The following SYNE1 variants were observed in gnomAD, a reference collection of about 807,000 sequenced individuals.
SYNE1 encodes spectrin repeat containing nuclear envelope protein 1.
SYNE1 carries 616 observed loss-of-function variants against 1,111.0 expected under a neutral mutation model. That is an observed-to-expected ratio of 0.55 (90% CI 0.52 to 0.59). The LOEUF (loss-of-function observed/expected upper bound fraction) is 0.59. Ranked by LOEUF, SYNE1 falls within the 20% of genes least tolerant of loss-of-function variation. SYNE1 has a pLI of 0.00. For synonymous variants in SYNE1, 3,855 were observed against 3,825.8 expected (o/e 1.01, Z -0.28); for missense variants, 10,006 against 10,417.0 (o/e 0.96, Z 1.72).
chr6:152,512,693 C>A lies in SYNE1; in HGVS notation c.310-1590G>T, dbSNP rs559101970. Among the ~76,000 whole-genome samples, 3 of 152,276 alleles carry A rather than the reference C, an allele frequency of 2.0e-5. No homozygotes were observed. In the South Asian group the frequency reaches 6.2e-4, roughly 32 times the overall value. ...CAATTTATTACAGAAGCTAAAGGAT[C>A]TTTTGCCTAACTTGTGAAGAAAAAT... On this transcript the variant is annotated intron_variant, in intron 6 of 145. Coordinates refer to ENST00000367255, the MANE Select transcript of SYNE1 (RefSeq NM_182961.4).
chr6:152,492,756 G>C (rs1266174562), intron 11 of SYNE1, among the ~76,000 whole-genome samples: 1 of 152,184 alleles, frequency 6.6e-6, no homozygotes, highest in East Asian at 1.9e-4. Context: ...TTAGAGTGGA[G>C]TGTAAGTCCA....
At chr6:152,175,431 A>C (rs1318050356) in intron 130 of SYNE1, among the ~76,000 whole-genome samples, 1 of 152,224 alleles carries the variant, frequency 6.6e-6, no homozygotes. Context: ...TTTATGCAGC[A>C]CGGCTAAGGA....
chr6:152,425,634 T>C (rs1327608355), intron 38 of SYNE1, 87 bp from the exon 39 acceptor site: 58 of 1,511,756 alleles, frequency 3.8e-5, no homozygotes, highest in Non-Finnish European at 5.2e-5. Context: ...GTCCAAAGGA[T>C]TCGCATTCTT....
intron 144 of SYNE1, among the ~76,000 whole-genome samples, chr6:152,131,441 G>T (rs2055615296): frequency 6.6e-6 from 1 of 151,568 alleles, no homozygotes; most frequent in Non-Finnish European, 1.5e-5. Context: ...AAGGAAAAAT[G>T]GAATGAATAT....
chr6:152,453,919 T>G (rs1226907414), intron 24 of SYNE1, among the ~76,000 whole-genome samples, 199 bp from the exon 25 acceptor site: 1 of 152,230 alleles, frequency 6.6e-6, no homozygotes, highest in Non-Finnish European at 1.5e-5. Context: ...TATCTGAAAT[T>G]CTACTAGTAT....
Position 152,399,832 on chromosome 6 carries a change from T to C in SYNE1, c.7030-9A>G. 2.5e-6 allele frequency: 4 copies of C among 1,612,558 alleles called. No individual in the cohort carries two copies. The highest frequency in any genetic ancestry group is 3.4e-6 in the Non-Finnish European group (4 of 1,178,582). ...AGTTCTTTTTGTATATCCTACAGAATAAAAGTATATTATGAAGGATATTCA... is the reference window on the plus strand; with the variant it reads ...AGTTCTTTTTGTATATCCTACAGAACAAAAGTATATTATGAAGGATATTCA... On this transcript the variant is annotated splice_polypyrimidine_tract_variant and intron_variant, in intron 47 of 145. Transcript: ENST00000367255.
At position 152,369,527 on chromosome 6, in the gene SYNE1, T is replaced by G; in HGVS notation, c.9595A>C (p.Ser3199Arg). Reference sequence around the variant, plus strand: ...GGCAGATCATAGAGGCGATTGCTGCTTTCATGGACCATCTTCTCAGTTTTA... The same window carrying G: ...GGCAGATCATAGAGGCGATTGCTGCGTTCATGGACCATCTTCTCAGTTTTA... ...LSKTEKMVHESSNRLYDLPAK... is the reference protein window; with the variant it reads ...LSKTEKMVHERSNRLYDLPAK... Residue 3199 changes from serine to arginine, a missense_variant, in exon 60 of 146, where the codon AGC (serine) becomes CGC (arginine). Physicochemically the swap from Ser to Arg is moderately radical, Grantham distance 110. Around this residue, in one of 7 missense-constraint regions of SYNE1, gnomAD observed 4,955 missense variants for 5,017.2 expected, o/e 0.99. Coordinates refer to ENST00000367255, the MANE Select transcript of SYNE1 (RefSeq NM_182961.4). The G allele has an allele frequency of 6.2e-7, 1 of 1,614,220 alleles. No homozygotes were observed. Among genetic ancestry groups the G allele is most frequent in the African/African-American group, 1.3e-5 (1 of 75,066 alleles).
At chr6:152,444,056 T>C (rs913815553) in intron 30 of SYNE1, among the ~76,000 whole-genome samples, 7 of 152,194 alleles carry the variant, frequency 4.6e-5, no homozygotes, top group Admixed American at 3.9e-4. Flanking sequence ...TGATCTCAAA[T>C]AGGAAGCAAT....
intron 6 of SYNE1, among the ~76,000 whole-genome samples, chr6:152,512,084 C>T (rs1564558229): frequency 6.8e-6 from 1 of 146,044 alleles, no homozygotes; most frequent in African/African-American, 2.6e-5. Context: ...GATGTTTGTA[C>T]ATTTTTTTTA....
chr6:152,474,176 C>T (rs895353763), intron 14 of SYNE1, among the ~76,000 whole-genome samples: 3 of 127,582 alleles, frequency 2.4e-5, no homozygotes, highest in African/African-American at 1.0e-4. Flanking sequence ...CAGGGTAAGA[C>T]TCTGTCTCAA....
chr6:152,155,971 T>C lies in SYNE1; in HGVS notation c.23917A>G (p.Thr7973Ala). 1 of 1,614,214 alleles carries C rather than the reference T, an allele frequency of 6.2e-7. No homozygotes were observed. The highest frequency in any genetic ancestry group is 8.5e-7 in the Non-Finnish European group (1 of 1,180,042). Residue 7973 changes from threonine (T) to alanine (A), a missense_variant, in exon 132 of 146, where the codon ACG (threonine) becomes GCG (alanine). Transcript: ENST00000367255. ...CTCCACCGCCGGTCCAGGTTTCTCG[T>C]AGCCTGCTGTATAGAGTCACACTCG... ...DAECDSIQQA[T>A]RNLDRRWRNI...
chr6:152,365,225 G>A (rs1323230725), intron 62 of SYNE1, among the ~76,000 whole-genome samples: 2 of 152,080 alleles, frequency 1.3e-5, no homozygotes, highest in African/African-American at 4.8e-5. Context: ...AAGTGGCCTT[G>A]GTGTTGAAGG....
chr6:152,372,953 T>C, intron 59 of SYNE1, 84 bp downstream of exon 59: 1 of 1,454,000 alleles, frequency 6.9e-7, no homozygotes, highest in East Asian at 2.3e-5. Context: ...AAGGGGGCTT[T>C]GATATACAGA....
At chr6:152,515,534 G>A (rs1328824961) in intron 6 of SYNE1, among the ~76,000 whole-genome samples, 1 of 152,108 alleles carries the variant, frequency 6.6e-6, no homozygotes, top group African/African-American at 2.4e-5. Flanking sequence ...AGAAAACCAG[G>A]GATCACAGTT....
At chr6:152,178,200 GT>G (rs1416964055) in intron 129 of SYNE1, among the ~76,000 whole-genome samples, 4 of 151,802 alleles carry the variant, frequency 2.6e-5, no homozygotes, top group African/African-American at 9.7e-5. Context: ...TCAAGAGATG[GT>G]TTTTTTCCCC....
At chr6:152,527,403 T>C (rs1460297166) in intron 4 of SYNE1, among the ~76,000 whole-genome samples, 1 of 152,228 alleles carries the variant, frequency 6.6e-6, no homozygotes, top group African/African-American at 2.4e-5. Context: ...GTTTTCATTT[T>C]TGATCATTCT....
At chr6:152,549,875 CA>C (rs1279394042) in intron 3 of SYNE1, among the ~76,000 whole-genome samples, 1 of 151,962 alleles carries the variant, frequency 6.6e-6, no homozygotes, top group African/African-American at 2.4e-5. Flanking sequence ...TGAAAGAGCC[CA>C]ATTTCATTAA....
chr6:152,353,243 T>A lies in SYNE1; in HGVS notation c.11253+20A>T. 6.2e-7 allele frequency: 1 copy of A among 1,614,078 alleles called. No homozygotes were observed. Among genetic ancestry groups the A allele is most frequent in the South Asian group, 1.1e-5 (1 of 91,044 alleles). On this transcript the variant is annotated intron_variant, in intron 69 of 145. Transcript: ENST00000367255. ...GGTGAACGGAAAGGTTGGATACAAATCTGAAGTATGCGTGCCTACCTCCAA... is the reference window on the plus strand; with the variant it reads ...GGTGAACGGAAAGGTTGGATACAAAACTGAAGTATGCGTGCCTACCTCCAA...
At chr6:152,462,243 T>C in intron 20 of SYNE1, among the ~76,000 whole-genome samples, 1 of 152,180 alleles carries the variant, frequency 6.6e-6, no homozygotes, top group East Asian at 1.9e-4. Context: ...TTTTTTTTCC[T>C]GTGTTTACAC....
Sources: gnomAD v4.1 joint callset for allele counts (sites outside exome capture counted in the v4.1 genomes callset) on GRCh38, gnomAD v4.1.1 for gene constraint, gnomAD v4.1.1 regional missense constraint, MANE v1.5 for transcripts, NCBI Gene and HGNC (gene_info 2026-07-23, HGNC 2026-07-21) for gene names.